SERPINA5: variants seen among roughly 807,000 people sequenced by gnomAD.
SERPINA5 encodes the protein plasma serine protease inhibitor.
SERPINA5 carries 25 observed loss-of-function variants against 25.3 expected under a neutral mutation model. The ratio of observed to expected loss-of-function variants is 0.99; its 90% CI spans 0.72 to 1.38. SERPINA5 has a LOEUF of 1.38. SERPINA5 is among the 40% of genes most tolerant of loss of function. SERPINA5 has a pLI of 0.00. For missense variants in SERPINA5, 599 were observed against 509.5 expected (o/e 1.18, Z -1.69); for synonymous variants, 234 against 206.2 (o/e 1.14, Z -1.16).
intron 3 of SERPINA5, 24 bp from the exon 4 acceptor site, chr14:94,590,011 TTTTTCA>T: frequency 6.4e-7 from 1 of 1,552,270 alleles, no homozygotes; most frequent in Non-Finnish European, 8.7e-7. Flanking sequence ...CACAAAATTC[TTTTTCA>T]TTTTTCCCTT....
chr14:94,585,090 T>A (rs1885031880), intron 2 of SERPINA5, among the ~76,000 whole-genome samples: 1 of 152,108 alleles, frequency 6.6e-6, no homozygotes, highest in South Asian at 2.1e-4. Context: ...GAGGCAGGAC[T>A]CTGCAGAGGA....
In SERPINA5 at chr14:94,593,081, T is replaced by G. The variant is rs2139934818; in HGVS notation, c.*842T>G. 6.6e-6 allele frequency: 1 copy of G among 152,366 alleles called. No individual in the cohort carries two copies. The highest frequency in any genetic ancestry group is 2.4e-5 in the African/African-American group (1 of 41,592). 9.4% of individuals were successfully genotyped at this position (152,366 alleles called of 1,614,324 possible). ...TGCCAATGACTAACTTTTTGAATTC[T>G]ATGTTGGCATTAACAATAAAGCATT... On this transcript the variant is annotated 3_prime_UTR_variant, in exon 6 of 6. Transcript: ENST00000329597.
chr14:94,588,862 G>T (rs565295524), intron 3 of SERPINA5, among the ~76,000 whole-genome samples: 3 of 152,324 alleles, frequency 2.0e-5, no homozygotes, highest in Admixed American at 2.0e-4. Flanking sequence ...GCAGCTCTCT[G>T]TGGTCTCTTT....
In SERPINA5 at chr14:94,589,843, G is replaced by A. The variant is rs149579743; in HGVS notation, c.620-198G>A. ...GCAAATGTGGAAGGAAAAGTCCCACGAAAAGTCCAAGAATGTGCCCAATGT... is the reference window on the plus strand; with the variant it reads ...GCAAATGTGGAAGGAAAAGTCCCACAAAAAGTCCAAGAATGTGCCCAATGT... On this transcript the variant is annotated intron_variant, in intron 3 of 5. Coordinates refer to ENST00000329597, the MANE Select transcript of SERPINA5 (RefSeq NM_000624.6). Among the ~76,000 whole-genome samples, 623 of 152,200 alleles carry A rather than the reference G, an allele frequency of 4.1e-3. 3 individuals carry two copies. Among genetic ancestry groups the A allele is most frequent in the Middle Eastern group, 0.014 (4 of 294 alleles).
Position 94,592,522 on chromosome 14 carries a change from A to G in SERPINA5, c.*283A>G, listed in dbSNP as rs1885340554. On this transcript the variant is annotated 3_prime_UTR_variant, in exon 6 of 6. Transcript: ENST00000329597. ...GGATGACTTGCTCAAGTTCACCAGC[A>G]TGGTAGTGGCAAAGAGAGGTCCAGA... is the stretch of plus-strand genomic sequence containing the variant. 3 of 345,612 alleles carry G rather than the reference A, an allele frequency of 8.7e-6. No individual in the cohort carries two copies. Among genetic ancestry groups the G allele is most frequent in the Admixed American group, 9.2e-5 (2 of 21,856 alleles). 21.4% of individuals were successfully genotyped at this position (345,612 alleles called of 1,614,324 possible).
chr14:94,583,475 C>T (rs909582129), intron 2 of SERPINA5, among the ~76,000 whole-genome samples: 1 of 152,202 alleles, frequency 6.6e-6, no homozygotes, highest in African/African-American at 2.4e-5. Context: ...CTAGAGGAAG[C>T]TGTGACTTTG....
intron 3 of SERPINA5, among the ~76,000 whole-genome samples, chr14:94,589,070 C>T (rs1885189454): frequency 1.3e-5 from 2 of 152,186 alleles, no homozygotes; most frequent in Admixed American, 6.5e-5. Context: ...CAGGGCAGTC[C>T]CCATTACACC....
At chr14:94,582,487 A>G (rs1195531243) in intron 2 of SERPINA5, 2 of 152,214 alleles carry the variant, frequency 1.3e-5, no homozygotes, top group Non-Finnish European at 2.9e-5. Flanking sequence ...ATAAAGAAAT[A>G]ATAGGAAGCC....
At chr14:94,589,314 G>A (rs1201402397) in intron 3 of SERPINA5, among the ~76,000 whole-genome samples, 2 of 152,118 alleles carry the variant, frequency 1.3e-5, no homozygotes, top group African/African-American at 4.8e-5. Flanking sequence ...CAGGCATGGT[G>A]GTGGGCGCCT....
intron 5 of SERPINA5, among the ~76,000 whole-genome samples, chr14:94,591,142 TTCCATTCCAC>T (rs1252712852): frequency 3.5e-5 from 5 of 141,934 alleles, no homozygotes; most frequent in Admixed American, 6.9e-5. Flanking sequence ...GTTCACTCTA[TTCCATTCCAC>T]TCCATTCCAC....
At chr14:94,589,827 G>A (rs1885216570) in intron 3 of SERPINA5, among the ~76,000 whole-genome samples, 1 of 152,112 alleles carries the variant, frequency 6.6e-6, no homozygotes, top group South Asian at 2.1e-4. Context: ...TGCAAATGTG[G>A]AAGGAAAAGT....
rs61761873 is a variant in SERPINA5 at position 94,587,750 on chromosome 14, G to A, written c.388G>A (p.Gly130Ser). 1,878 of 1,614,164 alleles carry A rather than the reference G, an allele frequency of 1.2e-3. 6 individuals are homozygous for A. The highest frequency in any genetic ancestry group is 4.5e-3 in the South Asian group (414 of 91,080). The part of the protein sequence containing the change: ...QPRDGFQLSL[G>S]NALFTDLVVD... ...CAGAGATGGCTTCCAGCTGAGCCTC[G>A]GCAATGCCCTTTTCACCGACCTGGT... is the stretch of plus-strand genomic sequence containing the variant. Residue 130 changes from glycine (G) to serine (S), a missense_variant, in exon 3 of 6, where the codon GGC becomes AGC. Gly to Ser is a moderately conservative substitution (Grantham distance 56). Transcript: ENST00000329597.
intron 2 of SERPINA5, among the ~76,000 whole-genome samples, chr14:94,585,384 C>T (rs956170926): frequency 2.6e-5 from 4 of 151,950 alleles, no homozygotes; most frequent in South Asian, 2.1e-4. Flanking sequence ...GAGCTCAGGA[C>T]ACAATTTGGA....
At chr14:94,592,020 C>T (rs1343034335) in intron 5 of SERPINA5, 37 bp from the exon 6 acceptor site, 2 of 1,590,478 alleles carry the variant, frequency 1.3e-6, no homozygotes, top group African/African-American at 1.3e-5. Flanking sequence ...TTCACCTGCC[C>T]CTAGTGGCCT....
At chr14:94,585,034 C>G (rs960516079) in intron 2 of SERPINA5, among the ~76,000 whole-genome samples, 9 of 152,106 alleles carry the variant, frequency 5.9e-5, no homozygotes, top group African/African-American at 1.9e-4. Flanking sequence ...TTGGTGGCTA[C>G]TAAGTCAGGG....
chr14:94,590,469 C>T, intron 4 of SERPINA5, 158 bp downstream of exon 4: 4 of 1,005,984 alleles, frequency 4.0e-6, no homozygotes, highest in Non-Finnish European at 5.6e-6. Context: ...GTCCTGGGGG[C>T]CTAGCCCAGT....
In SERPINA5 at chr14:94,592,553, G is replaced by C. The variant is rs146413097; in HGVS notation, c.*314G>C. 1.5e-5 allele frequency: 4 copies of C among 263,134 alleles called. No homozygotes were observed. Among genetic ancestry groups the C allele is most frequent in the African/African-American group, 8.8e-5 (4 of 45,328 alleles). 16.3% of individuals were successfully genotyped at this position (263,134 alleles called of 1,614,324 possible). On this transcript the variant is annotated 3_prime_UTR_variant, in exon 6 of 6. Coordinates refer to ENST00000329597, the MANE Select transcript of SERPINA5 (RefSeq NM_000624.6). ...GTGGCAAAGAGAGGTCCAGAGTCCT[G>C]GCCCTTGATGCCCAGCTCAGTGCCA...
At chr14:94,588,073 G>A (rs367863649) in intron 3 of SERPINA5, 92 bp downstream of exon 3, 16 of 1,486,932 alleles carry the variant, frequency 1.1e-5, no homozygotes, top group South Asian at 9.4e-5. Context: ...CATAAAAGAC[G>A]GGGAGTACGT....
In SERPINA5 at chr14:94,592,143, C is replaced by T; in HGVS notation, c.1125C>T (p.Ala375=). The change falls in exon 6 of 6, where the codon GCC becomes GCT. Residue 375 remains alanine, a synonymous_variant. Coordinates refer to ENST00000329597, the MANE Select transcript of SERPINA5 (RefSeq NM_000624.6). The stretch of plus-strand genomic sequence containing the variant: ...GGACAATATTCACTTTCAGGTCGGC[C>T]CGCCTGAACTCTCAGAGGCTAGTGT... ...ATGTIFTFRS[A]RLNSQRLVFN... 6.2e-7 allele frequency: 1 copy of T among 1,614,152 alleles called. No homozygotes were observed. The highest frequency in any genetic ancestry group is 8.5e-7 in the Non-Finnish European group (1 of 1,180,020).
Sources: allele counts gnomAD v4.1 joint callset (sites outside exome capture counted in the v4.1 genomes callset), GRCh38; gene constraint gnomAD v4.1.1; transcripts MANE v1.5; gene names NCBI Gene and HGNC (gene_info 2026-07-23, HGNC 2026-07-21).